Variants in ASPSCR1 observed in about 807,000 individuals in gnomAD.
ASPSCR1 encodes tether containing UBX domain for GLUT4.
Under a neutral mutation model 68.9 loss-of-function variants are expected in ASPSCR1, and 55 were observed. The ratio of observed to expected loss-of-function variants is 0.80; its 90% CI spans 0.64 to 1.00. The LOEUF is 1.00. ASPSCR1 is among the 50% of genes least tolerant of loss of function. ASPSCR1 has a pLI of 0.00. For synonymous variants in ASPSCR1, 352 were observed against 332.6 expected, an observed-to-expected ratio of 1.06 and a Z score of -0.63; for missense variants, 765 against 762.2, an observed-to-expected ratio of 1.00 and a Z score of -0.04.
At chr17:82,017,148 CCGGGTGGAGGG>C (rs752288139) in intron 15 of ASPSCR1, 35 bp downstream of exon 15, 29 of 1,566,840 alleles carry the variant, frequency 1.9e-5, no homozygotes, top group Non-Finnish European at 2.4e-5. Context: ...GGTGCTGTGG[CCGGGTGGAGGG>C]CGGGGGTCCG....
chr17:81,988,733 C>T (rs924196709), intron 4 of ASPSCR1, among the ~76,000 whole-genome samples: 2 of 152,190 alleles, frequency 1.3e-5, no homozygotes, highest in Non-Finnish European at 2.9e-5. Context: ...CTCCTCACAG[C>T]CATGCTCTTC....
At chr17:82,009,670 C>T in intron 9 of ASPSCR1, 103 bp downstream of exon 9, 1 of 872,602 alleles carries the variant, frequency 1.1e-6, no homozygotes, top group Non-Finnish European at 1.7e-6. Flanking sequence ...TCTGAGCGGG[C>T]CCCCTGTGAG....
intron 6 of ASPSCR1, 59 bp from the exon 7 acceptor site, chr17:81,996,361 G>A: frequency 6.5e-7 from 1 of 1,527,658 alleles, no homozygotes; most frequent in Non-Finnish European, 8.8e-7. Flanking sequence ...TGGGCCGGGA[G>A]AGGGTGAGCC....
intron 7 of ASPSCR1, among the ~76,000 whole-genome samples, chr17:82,001,559 C>T (rs549081566): frequency 1.3e-5 from 2 of 152,196 alleles, no homozygotes; most frequent in South Asian, 4.2e-4. Context: ...GACTGACAGG[C>T]GCTTGTGTTT....
chr17:82,002,048 C>G (rs1404084635), intron 7 of ASPSCR1, among the ~76,000 whole-genome samples: 1 of 142,278 alleles, frequency 7.0e-6, no homozygotes, highest in African/African-American at 2.6e-5. Context: ...CGCTCTCTTG[C>G]CCAGGCAGGA....
rs1314277031 is a variant in ASPSCR1, at chr17:81,983,519, G to T, written c.159-35G>T. Reference sequence around the variant, plus strand: ...TGGATGGCAGGGCGTGTCAGGCTCTGCAGGGCAGCAAGTGTGCTCTGGTCT... The same window carrying T: ...TGGATGGCAGGGCGTGTCAGGCTCTTCAGGGCAGCAAGTGTGCTCTGGTCT... On this transcript the variant is annotated intron_variant, in intron 2 of 15. Coordinates refer to ENST00000306739, the MANE Select transcript of ASPSCR1 (RefSeq NM_024083.4). This position sits in a 1 kb window ranked among gnomAD's most constrained non-coding sequence, Gnocchi z 4.4. The T allele has an allele frequency of 1.3e-6, 2 of 1,550,392 alleles. No homozygotes were observed. Among genetic ancestry groups the T allele is most frequent in the East Asian group, 4.5e-5 (2 of 44,102 alleles).
chr17:82,011,419 C>G, intron 10 of ASPSCR1, 124 bp from the exon 11 acceptor site: 2 of 922,298 alleles, frequency 2.2e-6, no homozygotes, highest in Non-Finnish European at 1.6e-6. Context: ...GTGGGAGGAA[C>G]AGGGCTGAAT....
intron 4 of ASPSCR1, among the ~76,000 whole-genome samples, chr17:81,993,553 G>A (rs937640896): frequency 1.7e-4 from 26 of 152,202 alleles, no homozygotes; most frequent in Admixed American, 5.2e-4. Flanking sequence ...TCCCAGGGTC[G>A]GGGCACGGTG....
chr17:82,015,482 C>A (rs981249177), intron 12 of ASPSCR1: 2 of 1,257,094 alleles, frequency 1.6e-6, no homozygotes, highest in African/African-American at 3.0e-5. Context: ...CCTTTCTGTG[C>A]GTCCCGTGGG....
intron 5 of ASPSCR1, 63 bp downstream of exon 5, chr17:81,994,941 A>T: frequency 6.6e-7 from 1 of 1,516,182 alleles, no homozygotes; most frequent in Non-Finnish European, 9.0e-7. Context: ...CCAACTGGAA[A>T]ATCTGCTGTC....
Position 81,983,410 on chromosome 17 carries a change from C to A in ASPSCR1, c.159-144C>A, listed in dbSNP as rs1372945260. On this transcript the variant is annotated intron_variant, in intron 2 of 15. Transcript: ENST00000306739. The surrounding 1 kb of genome is among the most constrained non-coding windows in gnomAD (Gnocchi z 4.4). ...CTTGTGCCTCTGCAGGTCATGACGTCCCGCTGTTGGGGAGCTGCCACAGGA... is the reference window on the plus strand; with the variant it reads ...CTTGTGCCTCTGCAGGTCATGACGTACCGCTGTTGGGGAGCTGCCACAGGA... The A allele has an allele frequency of 3.0e-6, 2 of 671,346 alleles. No individual in the cohort carries two copies. Among genetic ancestry groups the A allele is most frequent in the South Asian group, 1.7e-5 (1 of 57,198 alleles). 41.6% of individuals were successfully genotyped at this position (671,346 alleles called of 1,614,324 possible). A position where few individuals can be genotyped will look rare whatever the true frequency, so the allele number is the denominator to read the frequency against.
At position 82,016,985 on chromosome 17, in the gene ASPSCR1, CT is replaced by C; in HGVS notation, c.1521del (p.Asp508ThrfsTer28). 6.2e-7 allele frequency: 1 copy of C among 1,612,600 alleles called. No individual in the cohort carries two copies. The highest frequency in any genetic ancestry group is 8.5e-7 in the Non-Finnish European group (1 of 1,179,850). ...GGGTCCCCTTCCCCATTGCCAGCCC[CT>C]GACCCTGCACCTAAGTCTGAGCCAG... The part of the protein sequence containing the change: ...AAGSPSPLPA[P>X]DPAPKSEPAA... On this transcript the variant is annotated frameshift_variant, in exon 15 of 16. Transcript: ENST00000306739. LOFTEE classifies it high-confidence loss of function.
chr17:81,977,668 G>C lies in ASPSCR1; in HGVS notation c.22G>C (p.Gly8Arg), dbSNP rs1245942197. Residue 8 changes from glycine (G) to arginine (R), a missense_variant, in exon 1 of 16, where the codon GGA (glycine) becomes CGA (arginine). Physicochemically the swap from Gly to Arg is moderately radical, Grantham distance 125. Coordinates refer to ENST00000306739, the MANE Select transcript of ASPSCR1 (RefSeq NM_024083.4). This position sits in a 1 kb window ranked among gnomAD's most constrained non-coding sequence, Gnocchi z 5.0. ...GAAAATGGCGGCCCCGGCAGGCGGC[G>C]GAGGCTCCGCGGTGTCGGTGCTGGC... Reference protein sequence around the residue: MAAPAGGGGSAVSVLAPN... With the variant: MAAPAGGRGSAVSVLAPN... 1 of 1,397,456 alleles carries C rather than the reference G, an allele frequency of 7.2e-7. No individual in the cohort carries two copies. Among genetic ancestry groups the C allele is most frequent in the Non-Finnish European group, 9.3e-7 (1 of 1,071,762 alleles). 86.6% of individuals were successfully genotyped at this position (1,397,456 alleles called of 1,614,324 possible).
At chr17:82,015,528 A>G (rs187846323) in intron 12 of ASPSCR1, 62 of 859,024 alleles carry the variant, frequency 7.2e-5, no homozygotes, top group Non-Finnish European at 9.4e-5. Flanking sequence ...TGTGGGGGCT[A>G]TGATGAGAAC....
At chr17:81,984,966 CTG>C (rs2041930631) in intron 3 of ASPSCR1, among the ~76,000 whole-genome samples, 1 of 129,228 alleles carries the variant, frequency 7.7e-6, no homozygotes, top group Non-Finnish European at 1.6e-5. Flanking sequence ...CCCCACACAC[CTG>C]CACACACCCA....
intron 12 of ASPSCR1, chr17:82,015,031 C>T (rs1389934554): frequency 6.4e-7 from 1 of 1,551,838 alleles, no homozygotes; most frequent in Admixed American, 1.9e-5. Flanking sequence ...TTCCCGGGCC[C>T]TGCTCTGGCT....
intron 4 of ASPSCR1, among the ~76,000 whole-genome samples, chr17:81,992,631 C>A (rs1309912224): frequency 6.6e-6 from 1 of 152,162 alleles, no homozygotes; most frequent in East Asian, 1.9e-4. Context: ...CCTCCCTGTC[C>A]CCCTTCCTGG....
chr17:81,982,741 TTTCTC>T (rs917339209), intron 2 of ASPSCR1: 4 of 151,930 alleles, frequency 2.6e-5, no homozygotes, highest in African/African-American at 4.8e-5. Flanking sequence ...TCTTTCTTGT[TTTCTC>T]TTTCTTTCTT....
chr17:81,980,674 G>A (rs1281646740), intron 2 of ASPSCR1, among the ~76,000 whole-genome samples: 1 of 152,244 alleles, frequency 6.6e-6, no homozygotes, highest in African/African-American at 2.4e-5. Flanking sequence ...CACTTCAAGA[G>A]AGGGAAGAAT....
Sources: allele counts gnomAD v4.1 joint callset (sites outside exome capture counted in the v4.1 genomes callset), GRCh38; gene constraint gnomAD v4.1.1; non-coding constraint Gnocchi (gnomAD v3.1); transcripts MANE v1.5; gene names NCBI Gene and HGNC (gene_info 2026-07-23, HGNC 2026-07-21).